Variants in PDE4D observed in about 807,000 individuals in gnomAD.
PDE4D encodes phosphodiesterase 4D.
PDE4D carries 24 observed loss-of-function variants against 87.4 expected under a neutral mutation model. That is an observed-to-expected ratio of 0.27 (90% CI 0.20 to 0.39). The LOEUF (loss-of-function observed/expected upper bound fraction) is 0.39. Ranked by LOEUF, PDE4D falls within the 10% of genes least tolerant of loss-of-function variation. PDE4D has a pLI of 1.00. For synonymous variants in PDE4D, 384 were observed against 383.2 expected, an observed-to-expected ratio of 1.00 and a Z score of -0.02; for missense variants, 714 against 1,041.0, an observed-to-expected ratio of 0.69 and a Z score of 4.32.
intron 1 of PDE4D, among the ~76,000 whole-genome samples, chr5:60,424,143 A>T (rs37697): frequency 0.41 from 62,912 of 152,024 alleles, 14,214 homozygotes; most frequent in South Asian, 0.59. Flanking sequence ...TCTGAAACTA[A>T]TCCAATCAAA....
At chr5:60,460,032 G>A in intron 1 of PDE4D, 1 of 1,431,822 alleles carries the variant, frequency 7.0e-7, no homozygotes, top group East Asian at 2.3e-5. Flanking sequence ...ACTGTAATGA[G>A]TTTGACCAAA....
At position 59,591,704 on chromosome 5, in the gene PDE4D, T is replaced by C. The variant is rs1561281341; in HGVS notation, c.455+301464A>G. Among the ~76,000 whole-genome samples the C allele has an allele frequency of 2.0e-5, 3 of 152,326 alleles. No individual in the cohort carries two copies. The East Asian group carries it at 5.8e-4, about 29-fold the overall frequency. ...CTTTCAAGAGGCTGGATTACTTTTG[T>C]CCCTTAGATGTCAAAAACAAAACAC... On this transcript the variant is annotated intron_variant, in intron 1 of 14. Coordinates refer to ENST00000340635, the MANE Select transcript of PDE4D (RefSeq NM_001104631.2).
chr5:59,864,649 G>A (rs1215965358), intron 1 of PDE4D, among the ~76,000 whole-genome samples: 1 of 152,158 alleles, frequency 6.6e-6, no homozygotes, highest in Non-Finnish European at 1.5e-5. Context: ...TGCCCTCTGA[G>A]TTTGAATGTG....
intron 1 of PDE4D, among the ~76,000 whole-genome samples, chr5:59,838,420 T>C (rs1742482049): frequency 6.6e-6 from 1 of 152,096 alleles, no homozygotes; most frequent in South Asian, 2.1e-4. Flanking sequence ...GTTTCCACCA[T>C]GCTATAACTG....
intron 1 of PDE4D, among the ~76,000 whole-genome samples, chr5:60,463,215 T>C (rs7706015): frequency 0.017 from 2,559 of 152,288 alleles, 82 homozygotes; most frequent in African/African-American, 0.058. Context: ...GACTAGTCAG[T>C]GCAATCCAGA....
chr5:59,817,753 C>A (rs1329178709), intron 1 of PDE4D, among the ~76,000 whole-genome samples: 1 of 148,704 alleles, frequency 6.7e-6, no homozygotes, highest in African/African-American at 2.4e-5. Context: ...CCCCCCCCCA[C>A]ACACACACAG....
chr5:60,075,128 T>C (rs1321867576), intron 2 of PDE4D, among the ~76,000 whole-genome samples: 1 of 152,092 alleles, frequency 6.6e-6, no homozygotes, highest in East Asian at 2.0e-4. Flanking sequence ...AGAGACACTG[T>C]GTATTTGCAG....
chr5:59,442,538 A>G (rs1326939979), intron 1 of PDE4D, among the ~76,000 whole-genome samples: 1 of 152,238 alleles, frequency 6.6e-6, no homozygotes, highest in Admixed American at 6.5e-5. Flanking sequence ...GAGTGAACAA[A>G]TATTTAAATA....
chr5:59,268,373 G>A (rs1356163179), intron 1 of PDE4D, among the ~76,000 whole-genome samples: 5 of 152,022 alleles, frequency 3.3e-5, no homozygotes, highest in African/African-American at 1.2e-4. Flanking sequence ...CAAAGAACTA[G>A]GCAATTTGAG....
intron 1 of PDE4D, among the ~76,000 whole-genome samples, chr5:59,492,420 G>A (rs376457762): frequency 1.3e-5 from 2 of 152,262 alleles, no homozygotes; most frequent in African/African-American, 4.8e-5. Context: ...TTTTACTTGT[G>A]CCAGTACAGA....
At chr5:59,077,523 G>T (rs1765917732) in intron 5 of PDE4D, among the ~76,000 whole-genome samples, 1 of 147,400 alleles carries the variant, frequency 6.8e-6, no homozygotes, top group Non-Finnish European at 1.5e-5. Flanking sequence ...GCCCAGACTG[G>T]AGTGCAGTGG....
chr5:60,398,540 C>T (rs762842702), intron 1 of PDE4D, among the ~76,000 whole-genome samples: 2 of 152,082 alleles, frequency 1.3e-5, no homozygotes, highest in Non-Finnish European at 1.5e-5. Context: ...AGTTAGCTAT[C>T]GAAGGGAACC....
intron 1 of PDE4D, among the ~76,000 whole-genome samples, chr5:60,239,187 C>T (rs1256195387): frequency 6.6e-6 from 1 of 151,938 alleles, no homozygotes. Flanking sequence ...TTTTATTTCC[C>T]CATGTGAATA....
intron 5 of PDE4D, among the ~76,000 whole-genome samples, chr5:59,107,781 A>G (rs1580830349): frequency 6.6e-6 from 1 of 152,220 alleles, no homozygotes; most frequent in East Asian, 1.9e-4. Flanking sequence ...TTTAACCAAC[A>G]GAACACAAAA....
intron 2 of PDE4D, among the ~76,000 whole-genome samples, chr5:60,006,298 C>T (rs1195954211): frequency 1.4e-5 from 2 of 145,724 alleles, no homozygotes; most frequent in South Asian, 2.1e-4. Context: ...CAATTACTTT[C>T]GCGCCAACCA....
At chr5:59,599,369 C>T (rs1268653175) in intron 1 of PDE4D, among the ~76,000 whole-genome samples, 1 of 151,354 alleles carries the variant, frequency 6.6e-6, no homozygotes, top group Non-Finnish European at 1.5e-5. Flanking sequence ...TTACAGGCAC[C>T]ACCACCACAC....
intron 2 of PDE4D, among the ~76,000 whole-genome samples, chr5:59,205,933 C>CT (rs1204558450): frequency 6.6e-6 from 1 of 152,124 alleles, no homozygotes; most frequent in Non-Finnish European, 1.5e-5. Flanking sequence ...CTTGTCACAT[C>CT]ACAACCTTCC....
chr5:60,202,830 A>G (rs1365579280), intron 1 of PDE4D, among the ~76,000 whole-genome samples: 1 of 152,204 alleles, frequency 6.6e-6, no homozygotes, highest in African/African-American at 2.4e-5. Flanking sequence ...GAGTATAGTC[A>G]GCATGCTATT....
At chr5:59,540,207 C>T (rs1816065521) in intron 1 of PDE4D, among the ~76,000 whole-genome samples, 1 of 152,130 alleles carries the variant, frequency 6.6e-6, no homozygotes, top group African/African-American at 2.4e-5. Context: ...CCATGCAGTT[C>T]TATCAGGCAT....
Sources: allele counts gnomAD v4.1 joint callset (sites outside exome capture counted in the v4.1 genomes callset), GRCh38; gene constraint gnomAD v4.1.1; transcripts MANE v1.5; gene names NCBI Gene and HGNC (gene_info 2026-07-23, HGNC 2026-07-21).